DNAH12: variants seen among roughly 807,000 people sequenced by gnomAD.
The protein encoded by DNAH12 is dynein axonemal heavy chain 12, also known as axonemal beta dynein heavy chain 12.
Under a neutral mutation model 371.5 loss-of-function variants are expected in DNAH12, and 285 were observed. The ratio of observed to expected loss-of-function variants is 0.77; its 90% CI spans 0.70 to 0.85. The LOEUF (loss-of-function observed/expected upper bound fraction) is 0.85. DNAH12 is among the 40% of genes least tolerant of loss of function. The pLI, the probability that DNAH12 is intolerant of heterozygous loss-of-function variation, is 0.00. For missense variants in DNAH12, 3,611 were observed against 3,689.4 expected (o/e 0.98, Z 0.55); for synonymous variants, 1,200 against 1,213.0 (o/e 0.99, Z 0.22).
chr3:57,333,729 CT>C (rs2062161068), intron 62 of DNAH12, among the ~76,000 whole-genome samples: 1 of 152,152 alleles, frequency 6.6e-6, no homozygotes. Flanking sequence ...TTGTTGACCC[CT>C]GAACTAGCAG....
Position 57,453,030 on chromosome 3 carries a change from G to A in DNAH12, c.3614-15C>T, listed in dbSNP as rs2065800463. On this transcript the variant is annotated splice_polypyrimidine_tract_variant and intron_variant, in intron 24 of 73. Coordinates refer to ENST00000495027, the MANE Select transcript of DNAH12 (RefSeq NM_001366028.2). ...ATGTGAGACACCTAGAAAAAATAAA[G>A]TAAAATAAGACACATGATCCTTAAA... The A allele has an allele frequency of 6.5e-6, 10 of 1,530,098 alleles. No homozygotes were observed. Among genetic ancestry groups the A allele is most frequent in the South Asian group, 1.3e-5 (1 of 78,114 alleles). 94.8% of individuals were successfully genotyped at this position (1,530,098 alleles called of 1,614,324 possible).
At chr3:57,356,733 CTTT>C (rs1408878058) in intron 59 of DNAH12, among the ~76,000 whole-genome samples, 1 of 151,704 alleles carries the variant, frequency 6.6e-6, no homozygotes, top group Non-Finnish European at 1.5e-5. Context: ...CACTTTTCCA[CTTT>C]TTTATTTTGT....
chr3:57,370,583 T>C (rs2153336299), intron 55 of DNAH12, among the ~76,000 whole-genome samples: 1 of 152,332 alleles, frequency 6.6e-6, no homozygotes, highest in South Asian at 2.1e-4. Context: ...TGATTAATTA[T>C]AAACTATGGT....
intron 35 of DNAH12, among the ~76,000 whole-genome samples, chr3:57,422,511 T>C (rs1345960115): frequency 6.6e-6 from 1 of 152,070 alleles, no homozygotes; most frequent in African/African-American, 2.4e-5. Flanking sequence ...AAATTTTAAA[T>C]ACCCATACTG....
intron 35 of DNAH12, among the ~76,000 whole-genome samples, 196 bp from the exon 36 acceptor site, chr3:57,421,902 CTTTTTTTT>C (rs368757579): frequency 1.0e-5 from 1 of 98,548 alleles, no homozygotes; most frequent in African/African-American, 4.9e-5. Flanking sequence ...GTTTGCATGT[CTTTTTTTT>C]TTTTTTTTTT....
At position 57,405,864 on chromosome 3, in the gene DNAH12, C is replaced by T. The variant is rs926019904; in HGVS notation, c.6365G>A (p.Arg2122Gln). The T allele has an allele frequency of 2.3e-5, 36 of 1,551,264 alleles. No homozygotes were observed. The Admixed American group carries it at 3.7e-4, about 16-fold the overall frequency. ...FNLRDFSRVI[R>Q]GCLLIERDAV... ...GTCTCTTTCAATGAGTAAACAGCCCCGGATGACGCGTGAAAAATCACGCAA... is the reference window on the plus strand; with the variant it reads ...GTCTCTTTCAATGAGTAAACAGCCCTGGATGACGCGTGAAAAATCACGCAA... The change falls in exon 41 of 74, where the codon CGG (arginine) becomes CAG (glutamine). Residue 2122 changes from arginine to glutamine, a missense_variant. Coordinates refer to ENST00000495027, the MANE Select transcript of DNAH12 (RefSeq NM_001366028.2).
intron 57 of DNAH12, among the ~76,000 whole-genome samples, chr3:57,365,829 C>T (rs2063038683): frequency 6.7e-6 from 1 of 148,840 alleles, no homozygotes. Flanking sequence ...TTTTGCTAAG[C>T]ATTTTCTTAT....
At chr3:57,499,009 A>AC (rs1415008328) in intron 11 of DNAH12, among the ~76,000 whole-genome samples, 3 of 112,760 alleles carry the variant, frequency 2.7e-5, no homozygotes, top group Admixed American at 1.8e-4. Flanking sequence ...AAAAACAAAA[A>AC]CAAAAACACA....
At chr3:57,522,232 A>AAAT (rs1559748487) in intron 4 of DNAH12, among the ~76,000 whole-genome samples, 8 of 151,720 alleles carry the variant, frequency 5.3e-5, no homozygotes, top group African/African-American at 1.5e-4. Flanking sequence ...TCAAAAAAAA[A>AAAT]AAATAAATAA....
chr3:57,309,550 T>C, intron 68 of DNAH12, 116 bp downstream of exon 68: 1 of 1,067,964 alleles, frequency 9.4e-7, no homozygotes, highest in East Asian at 2.8e-5. Flanking sequence ...GGCTAATGCT[T>C]AGAGAGGCAA....
chr3:57,396,443 G>A (rs2063744088), intron 43 of DNAH12, among the ~76,000 whole-genome samples: 2 of 151,696 alleles, frequency 1.3e-5, no homozygotes, highest in African/African-American at 4.8e-5. Context: ...TGTTGACTGG[G>A]CTGGAGTACA....
At position 57,404,987 on chromosome 3, in the gene DNAH12, A is replaced by T; in HGVS notation, c.6737T>A (p.Met2246Lys). The change falls in exon 42 of 74, where the codon ATG (methionine) becomes AAG (lysine). Residue 2246 changes from methionine (M) to lysine (K), a missense_variant. By Grantham distance (95) the Met-to-Lys change is moderately conservative. Around this residue, in one of 3 missense-constraint regions of DNAH12, gnomAD observed 2,266 missense variants for 2,236.9 expected, o/e 1.01. Coordinates refer to ENST00000495027, the MANE Select transcript of DNAH12 (RefSeq NM_001366028.2). ...DEYNQTHKTRMNLVIFRYVLE... is the reference protein window; with the variant it reads ...DEYNQTHKTRKNLVIFRYVLE... Reference sequence around the variant, plus strand: ...TAGGTACCTAAAAATGACAAGATTCATTCTTGTTTTGTGTGTTTGATTATA... The same window carrying T: ...TAGGTACCTAAAAATGACAAGATTCTTTCTTGTTTTGTGTGTTTGATTATA... 2 of 1,517,468 alleles carry T rather than the reference A, an allele frequency of 1.3e-6. No individual in the cohort carries two copies. The highest frequency in any genetic ancestry group is 1.8e-6 in the Non-Finnish European group (2 of 1,136,736). The allele number at this position is 1,517,468 out of a possible 1,614,324, so 94.0% of individuals were successfully genotyped here.
chr3:57,310,683 A>G, intron 67 of DNAH12, 34 bp downstream of exon 67: 1 of 1,439,356 alleles, frequency 6.9e-7, no homozygotes, highest in Non-Finnish European at 9.5e-7. Context: ...AAAATCACAC[A>G]TTAATCTAAC....
intron 53 of DNAH12, among the ~76,000 whole-genome samples, chr3:57,376,420 T>C (rs1575519809): frequency 6.6e-6 from 1 of 152,142 alleles, no homozygotes; most frequent in South Asian, 2.1e-4. Flanking sequence ...TCCCATTTAA[T>C]GAAACCCATA....
In DNAH12 at chr3:57,352,066, G is replaced by T; in HGVS notation, c.9674+19C>A. 1 of 1,494,148 alleles carries T rather than the reference G, an allele frequency of 6.7e-7. No homozygotes were observed. Among genetic ancestry groups the T allele is most frequent in the Non-Finnish European group, 8.9e-7 (1 of 1,128,678 alleles). 92.6% of individuals were successfully genotyped at this position (1,494,148 alleles called of 1,614,324 possible). On this transcript the variant is annotated intron_variant, in intron 60 of 73. Coordinates refer to ENST00000495027, the MANE Select transcript of DNAH12 (RefSeq NM_001366028.2). ...AGGTTTTAAAAATAAATAAATTATG[G>T]TAAAAGCAAGTAACTTACAGAAGAA...
At chr3:57,302,568 T>TACG (rs1491312065) in intron 69 of DNAH12, among the ~76,000 whole-genome samples, 2 of 48,624 alleles carry the variant, frequency 4.1e-5, no homozygotes, top group African/African-American at 2.9e-4. Context: ...TATATATGTA[T>TACG]TTTTTTTTTT....
intron 60 of DNAH12, among the ~76,000 whole-genome samples, chr3:57,342,194 C>T (rs1490457370): frequency 6.6e-6 from 1 of 152,092 alleles, no homozygotes; most frequent in Non-Finnish European, 1.5e-5. Context: ...TGCTTCAGGA[C>T]ATTGGTCCTG....
At chr3:57,330,704 AAAGTAT>A (rs886635792) in intron 62 of DNAH12, among the ~76,000 whole-genome samples, 1 of 145,254 alleles carries the variant, frequency 6.9e-6, no homozygotes, top group Non-Finnish European at 1.5e-5. Flanking sequence ...CCTAAAACTT[AAAGTAT>A]AATAATTAAA....
chr3:57,381,977 C>A (rs1559602385), intron 50 of DNAH12, among the ~76,000 whole-genome samples: 1 of 151,996 alleles, frequency 6.6e-6, no homozygotes, highest in East Asian at 1.9e-4. Flanking sequence ...AAGCAATTCT[C>A]CTGTCTCAGC....
Sources: gnomAD v4.1 joint callset for allele counts (sites outside exome capture counted in the v4.1 genomes callset) on GRCh38, gnomAD v4.1.1 for gene constraint, gnomAD v4.1.1 regional missense constraint, MANE v1.5 for transcripts, NCBI Gene and HGNC (gene_info 2026-07-23, HGNC 2026-07-21) for gene names.